The following ZNF804B variants were observed in gnomAD, a reference collection of about 807,000 sequenced individuals.
ZNF804B encodes the protein zinc finger 804B.
Under a neutral mutation model 101.4 loss-of-function variants are expected in ZNF804B, and 80 were observed. The ratio of observed to expected loss-of-function variants is 0.79; its 90% CI spans 0.66 to 0.95. The LOEUF is 0.95. ZNF804B is among the 40% of genes least tolerant of loss of function. The pLI is 0.00. For missense variants in ZNF804B, 1,673 were observed against 1,561.9 expected, an observed-to-expected ratio of 1.07 and a Z score of -1.20; for synonymous variants, 622 against 558.8, an observed-to-expected ratio of 1.11 and a Z score of -1.59.
intron 1 of ZNF804B, among the ~76,000 whole-genome samples, chr7:89,182,153 T>C (rs1013608019): frequency 3.3e-5 from 5 of 152,192 alleles, no homozygotes; most frequent in African/African-American, 1.2e-4. Flanking sequence ...TCATAGATAT[T>C]AAATCACTAA....
intron 1 of ZNF804B, among the ~76,000 whole-genome samples, chr7:89,204,707 C>T (rs1393837488): frequency 6.6e-6 from 1 of 152,142 alleles, no homozygotes; most frequent in African/African-American, 2.4e-5. Context: ...TTTGATTATT[C>T]TTATACCATA....
intron 1 of ZNF804B, among the ~76,000 whole-genome samples, chr7:88,973,628 G>A (rs1257730413): frequency 6.6e-6 from 1 of 151,208 alleles, no homozygotes; most frequent in Non-Finnish European, 1.5e-5. Context: ...AGATTGAAAA[G>A]TGAATTATTT....
At chr7:89,052,731 T>C (rs1789226147) in intron 1 of ZNF804B, among the ~76,000 whole-genome samples, 1 of 152,128 alleles carries the variant, frequency 6.6e-6, no homozygotes, top group Non-Finnish European at 1.5e-5. Context: ...AAGCATTGCC[T>C]CAACAAAACG....
chr7:88,775,658 AG>A (rs1790130890), intron 1 of ZNF804B, among the ~76,000 whole-genome samples: 1 of 152,216 alleles, frequency 6.6e-6, no homozygotes, highest in Non-Finnish European at 1.5e-5. Flanking sequence ...CAGTAAATTC[AG>A]GATCCATTCC....
intron 2 of ZNF804B, among the ~76,000 whole-genome samples, chr7:89,239,053 A>G (rs1048099182): frequency 1.3e-5 from 2 of 152,144 alleles, no homozygotes; most frequent in Non-Finnish European, 2.9e-5. Context: ...AAGGAGTTTT[A>G]TGTTTTTAAA....
At chr7:89,059,374 A>G (rs1380824722) in intron 1 of ZNF804B, among the ~76,000 whole-genome samples, 3 of 152,186 alleles carry the variant, frequency 2.0e-5, no homozygotes, top group Non-Finnish European at 4.4e-5. Flanking sequence ...TGAAGGCCTC[A>G]GGAAGCTTAC....
At chr7:89,181,761 A>G (rs937638419) in intron 1 of ZNF804B, among the ~76,000 whole-genome samples, 4 of 152,188 alleles carry the variant, frequency 2.6e-5, no homozygotes, top group African/African-American at 9.6e-5. Context: ...CTATTTAGCC[A>G]TCTTGTTTTG....
intron 1 of ZNF804B, among the ~76,000 whole-genome samples, chr7:89,204,393 C>A (rs748168134): frequency 1.3e-5 from 2 of 152,156 alleles, no homozygotes; most frequent in Non-Finnish European, 2.9e-5. Flanking sequence ...ATAAATGGAA[C>A]AGCATTGTGA....
chr7:89,261,554 T>C (rs1310318379), intron 2 of ZNF804B, among the ~76,000 whole-genome samples: 1 of 152,146 alleles, frequency 6.6e-6, no homozygotes, highest in Non-Finnish European at 1.5e-5. Flanking sequence ...GACATGCATA[T>C]GTTCTGAGAA....
intron 1 of ZNF804B, among the ~76,000 whole-genome samples, chr7:88,883,583 G>A (rs1179693880): frequency 6.6e-6 from 1 of 152,042 alleles, no homozygotes; most frequent in East Asian, 1.9e-4. Context: ...AAATGTATAG[G>A]AGCAAACATC....
At chr7:88,944,941 T>G (rs1033723674) in intron 1 of ZNF804B, among the ~76,000 whole-genome samples, 2 of 151,796 alleles carry the variant, frequency 1.3e-5, no homozygotes, top group African/African-American at 4.8e-5. Context: ...GATGGGGTTG[T>G]TTTTTTCTTG....
intron 2 of ZNF804B, among the ~76,000 whole-genome samples, chr7:89,264,038 G>A (rs1271694404): frequency 6.6e-6 from 1 of 152,016 alleles, no homozygotes; most frequent in Non-Finnish European, 1.5e-5. Context: ...AAAATATTAA[G>A]ACAGTACATA....
At chr7:89,180,081 G>C (rs2106939) in intron 1 of ZNF804B, among the ~76,000 whole-genome samples, 28,258 of 152,038 alleles carry the variant, frequency 0.19, 2,717 homozygotes, top group Middle Eastern at 0.29. Context: ...ACCACACTGG[G>C]ACCATGCTGG....
intron 1 of ZNF804B, among the ~76,000 whole-genome samples, chr7:88,845,301 G>GCACACACACACACACACACACA (rs372272018): frequency 5.5e-4 from 83 of 150,038 alleles, no homozygotes; most frequent in Middle Eastern, 3.6e-3. Context: ...GCACGCGCGC[G>GCACACACACACACACACACACA]CACACACACA....
At chr7:88,771,057 T>A (rs181950881) in intron 1 of ZNF804B, among the ~76,000 whole-genome samples, 364 of 152,328 alleles carry the variant, frequency 2.4e-3, no homozygotes, top group Non-Finnish European at 3.9e-3. Flanking sequence ...TTAAAAATAC[T>A]GTTCACATTT....
chr7:89,285,128 A>G (rs2115881133), intron 2 of ZNF804B, among the ~76,000 whole-genome samples: 1 of 152,186 alleles, frequency 6.6e-6, no homozygotes, highest in East Asian at 1.9e-4. Context: ...CTGAGGCAGG[A>G]GGATAGCTTG....
At chr7:88,909,276 A>C (rs112523296) in intron 1 of ZNF804B, among the ~76,000 whole-genome samples, 1 of 151,822 alleles carries the variant, frequency 6.6e-6, no homozygotes, top group Non-Finnish European at 1.5e-5. Context: ...CCTCATCTGC[A>C]TGAGAAGATT....
At chr7:89,087,816 A>G (rs928681569) in intron 1 of ZNF804B, among the ~76,000 whole-genome samples, 4 of 151,886 alleles carry the variant, frequency 2.6e-5, no homozygotes, top group Admixed American at 1.3e-4. Context: ...CGTAAGAAAT[A>G]TATGTACTAT....
chr7:88,895,533 C>G (rs549852230), intron 1 of ZNF804B, among the ~76,000 whole-genome samples: 2 of 152,130 alleles, frequency 1.3e-5, no homozygotes, highest in Non-Finnish European at 2.9e-5. Context: ...CGATGATACC[C>G]CATTAGCAAT....
Sources: gnomAD v4.1 joint callset for allele counts (sites outside exome capture counted in the v4.1 genomes callset) on GRCh38, gnomAD v4.1.1 for gene constraint, MANE v1.5 for transcripts, NCBI Gene and HGNC (gene_info 2026-07-23, HGNC 2026-07-21) for gene names.